The following STRN variants were observed in gnomAD, a reference collection of about 807,000 sequenced individuals.
STRN encodes the protein protein phosphatase 2 regulatory subunit B'''alpha.
In STRN, 53 loss-of-function variants were observed where a neutral mutation model predicts 96.3. The observed-to-expected ratio is 0.55, with a 90% confidence interval of 0.44 to 0.69. STRN has a LOEUF of 0.69. Among genes scored for constraint, STRN ranks in the 30% least tolerant of loss-of-function variants. STRN has a pLI of 0.00. For missense variants in STRN, 987 were observed against 963.9 expected, an observed-to-expected ratio of 1.02 and a Z score of -0.32; for synonymous variants, 428 against 355.9, an observed-to-expected ratio of 1.20 and a Z score of -2.28.
intron 7 of STRN, among the ~76,000 whole-genome samples, chr2:36,891,319 C>T (rs375597929): frequency 7.9e-5 from 12 of 152,168 alleles, no homozygotes; most frequent in South Asian, 6.2e-4. Flanking sequence ...TTGAGGCCAG[C>T]AGTTCAAGAC....
At chr2:36,881,049 C>A (rs935877950) in intron 9 of STRN, among the ~76,000 whole-genome samples, 3 of 151,416 alleles carry the variant, frequency 2.0e-5, no homozygotes, top group Non-Finnish European at 2.9e-5. Flanking sequence ...ACCTTCCTAG[C>A]CCTAATCAGC....
rs1396128659 is a variant in STRN at position 36,840,318 on chromosome 2, GTCA to G, written c.*9135_*9137del. The G allele has an allele frequency of 2.0e-5, 3 of 152,328 alleles. No homozygotes were observed. Among genetic ancestry groups the G allele is most frequent in the African/African-American group, 7.2e-5 (3 of 41,424 alleles). 9.4% of individuals were successfully genotyped at this position (152,328 alleles called of 1,614,324 possible). On this transcript the variant is annotated 3_prime_UTR_variant, in exon 18 of 18. Coordinates refer to ENST00000263918, the MANE Select transcript of STRN (RefSeq NM_003162.4). Reference sequence around the variant, plus strand: ...ATGGGGGTCCGGGGATAGATGGGAGGTCATCAACAGGGTTTAGGGACACCTTCC... The same window carrying G: ...ATGGGGGTCCGGGGATAGATGGGAGGTCAACAGGGTTTAGGGACACCTTCC...
At chr2:36,888,037 T>C (rs1669285438) in intron 7 of STRN, among the ~76,000 whole-genome samples, 1 of 152,136 alleles carries the variant, frequency 6.6e-6, no homozygotes, top group South Asian at 2.1e-4. Context: ...ATCTGTTCCA[T>C]CCAAAGGGTT....
Position 36,851,115 on chromosome 2 carries a change from G to C in STRN, c.1979-8C>G. The C allele has an allele frequency of 5.6e-6, 9 of 1,602,686 alleles. No individual in the cohort carries two copies. Among genetic ancestry groups the C allele is most frequent in the Non-Finnish European group, 7.7e-6 (9 of 1,172,398 alleles). ...GGCAGGAAGAGTTGGCTGCTAAAAA[G>C]AAAAAATTAAAAAGCAACACAACTT... is the stretch of plus-strand genomic sequence containing the variant. On this transcript the variant is annotated splice_region_variant and splice_polypyrimidine_tract_variant and intron_variant, in intron 15 of 17. Transcript: ENST00000263918.
chr2:36,966,147 G>A, intron 1 of STRN, 83 bp downstream of exon 1: 1 of 1,358,616 alleles, frequency 7.4e-7, no homozygotes, highest in Non-Finnish European at 9.5e-7. Context: ...CGAGAAGGCT[G>A]GGGGAGGGGG....
chr2:36,874,535 A>G (rs776645751), intron 10 of STRN, among the ~76,000 whole-genome samples: 12 of 152,124 alleles, frequency 7.9e-5, no homozygotes, highest in Non-Finnish European at 1.5e-4. Context: ...ACATCAAGCC[A>G]TAAAGATTTA....
chr2:36,951,945 A>C (rs779270282), intron 1 of STRN, among the ~76,000 whole-genome samples: 3 of 152,156 alleles, frequency 2.0e-5, no homozygotes, highest in Non-Finnish European at 4.4e-5. Context: ...AGGAGCACGG[A>C]TCCTACTGTG....
chr2:36,892,470 G>C (rs1483344850), intron 7 of STRN, among the ~76,000 whole-genome samples: 1 of 152,132 alleles, frequency 6.6e-6, no homozygotes, highest in East Asian at 1.9e-4. Flanking sequence ...TTTATAAATA[G>C]GGTAATCTGT....
intron 5 of STRN, 46 bp downstream of exon 5, chr2:36,902,538 A>G (rs1572661346): frequency 6.8e-7 from 1 of 1,473,816 alleles, no homozygotes; most frequent in East Asian, 2.4e-5. Flanking sequence ...AAAATATTTA[A>G]TAAGAACTAA....
intron 1 of STRN, among the ~76,000 whole-genome samples, chr2:36,964,193 A>C (rs1048561496): frequency 5.3e-4 from 68 of 127,656 alleles, no homozygotes; most frequent in African/African-American, 2.3e-3. Flanking sequence ...GGCGGGGGGA[A>C]GGATGGGTTG....
intron 1 of STRN, among the ~76,000 whole-genome samples, chr2:36,949,816 G>A (rs1664706670): frequency 6.6e-6 from 1 of 152,048 alleles, no homozygotes; most frequent in South Asian, 2.1e-4. Context: ...AGCAAAAACT[G>A]GACATGTACA....
chr2:36,881,284 T>C (rs1669062405), intron 9 of STRN, among the ~76,000 whole-genome samples: 1 of 151,970 alleles, frequency 6.6e-6, no homozygotes, highest in Non-Finnish European at 1.5e-5. Context: ...CACGCCACCA[T>C]GTCCAGCTAA....
intron 2 of STRN, 128 bp downstream of exon 2, chr2:36,924,977 A>T (rs1469387582): frequency 2.8e-6 from 2 of 705,440 alleles, no homozygotes; most frequent in Non-Finnish European, 4.8e-6. Context: ...AATTGCTTGA[A>T]ACCGGGAGGC....
intron 15 of STRN, among the ~76,000 whole-genome samples, chr2:36,852,361 A>T (rs1668241604): frequency 6.6e-6 from 1 of 152,174 alleles, no homozygotes; most frequent in South Asian, 2.1e-4. Context: ...ATATTACTGG[A>T]ACAACTCTCA....
chr2:36,924,133 G>C (rs189211161), intron 2 of STRN, among the ~76,000 whole-genome samples: 4,436 of 152,176 alleles, frequency 0.029, 256 homozygotes, highest in Admixed American at 0.16. Flanking sequence ...GAGACGGGGG[G>C]ATCACGAGGT....
chr2:36,902,823 G>A (rs1413003943), intron 4 of STRN, 72 bp from the exon 5 acceptor site: 3 of 1,278,312 alleles, frequency 2.3e-6, no homozygotes, highest in African/African-American at 1.5e-5. Context: ...GTAAATAAAA[G>A]TATTTATTTA....
At chr2:36,855,963 T>C (rs1668334006) in intron 14 of STRN, among the ~76,000 whole-genome samples, 1 of 152,136 alleles carries the variant, frequency 6.6e-6, no homozygotes. Flanking sequence ...AATAATCTGA[T>C]TTTTTTCATT....
chr2:36,895,870 G>C (rs547076033), intron 6 of STRN, among the ~76,000 whole-genome samples: 1 of 152,124 alleles, frequency 6.6e-6, no homozygotes, highest in African/African-American at 2.4e-5. Context: ...CTTGCAGTGA[G>C]CTGACATCAC....
chr2:36,919,490 A>C (rs974817497), intron 2 of STRN, among the ~76,000 whole-genome samples: 2 of 152,148 alleles, frequency 1.3e-5, no homozygotes, highest in African/African-American at 4.8e-5. Context: ...AGAAAAAAAA[A>C]ACACACACAG....
Sources: allele counts gnomAD v4.1 joint callset (sites outside exome capture counted in the v4.1 genomes callset), GRCh38; gene constraint gnomAD v4.1.1; transcripts MANE v1.5; gene names NCBI Gene and HGNC (gene_info 2026-07-23, HGNC 2026-07-21).